WDR72: variants seen among roughly 807,000 people sequenced by gnomAD.
The protein encoded by WDR72 is WD repeat domain 72.
WDR72 carries 120 observed loss-of-function variants against 124.2 expected under a neutral mutation model. That is an observed-to-expected ratio of 0.97 (90% CI 0.83 to 1.12). The LOEUF (loss-of-function observed/expected upper bound fraction) is 1.12. Among genes scored for constraint, WDR72 ranks in the 50% most tolerant of loss-of-function variants. The pLI is 0.00. For synonymous variants in WDR72, 452 were observed against 441.7 expected (o/e 1.02, Z -0.29); for missense variants, 1,387 against 1,278.8 (o/e 1.08, Z -1.29).
At chr15:53,631,391 T>C (rs2014422576) in intron 14 of WDR72, among the ~76,000 whole-genome samples, 1 of 152,190 alleles carries the variant, frequency 6.6e-6, no homozygotes, top group South Asian at 2.1e-4. Context: ...TAAACCTCCT[T>C]TCTTTATAAA....
intron 14 of WDR72, among the ~76,000 whole-genome samples, chr15:53,652,382 C>T (rs537259391): frequency 1.3e-5 from 2 of 152,190 alleles, no homozygotes; most frequent in East Asian, 3.9e-4. Context: ...CGTAATCAGC[C>T]CTCTCTTCTC....
chr15:53,531,135 C>CT (rs1314904915), intron 18 of WDR72, among the ~76,000 whole-genome samples: 4 of 152,040 alleles, frequency 2.6e-5, no homozygotes, highest in African/African-American at 9.7e-5. Context: ...AAGAACATGT[C>CT]TGAGTTACCA....
At chr15:53,650,980 A>C (rs1310753020) in intron 14 of WDR72, among the ~76,000 whole-genome samples, 2 of 149,618 alleles carry the variant, frequency 1.3e-5, no homozygotes, top group East Asian at 3.9e-4. Flanking sequence ...TTTGAGTAAA[A>C]TCGTGAAAAG....
chr15:53,528,881 G>C (rs1892269637), intron 18 of WDR72, among the ~76,000 whole-genome samples: 1 of 151,916 alleles, frequency 6.6e-6, no homozygotes, highest in Admixed American at 6.6e-5. Context: ...TTTGAGCAAT[G>C]GGCTGCCTCA....
chr15:53,602,783 G>A (rs1339067381), intron 17 of WDR72, among the ~76,000 whole-genome samples: 1 of 151,950 alleles, frequency 6.6e-6, no homozygotes, highest in Non-Finnish European at 1.5e-5. Flanking sequence ...GACTGAACCA[G>A]GAAGAAACTG....
In WDR72 at chr15:53,515,083, G is replaced by GTGTCTATATA. The variant is rs1270793859; in HGVS notation, c.*2615_*2616insTATATAGACA. The GTGTCTATATA allele has an allele frequency of 4.9e-5, 1 of 20,290 alleles. No homozygotes were observed. Among genetic ancestry groups the GTGTCTATATA allele is most frequent in the Non-Finnish European group, 1.1e-4 (1 of 8,772 alleles). 1.3% of individuals were successfully genotyped at this position (20,290 alleles called of 1,614,324 possible). A position where few individuals can be genotyped will look rare whatever the true frequency, so the allele number is the denominator to read the frequency against. ...TATATATACACACATATATATGTAT[G>GTGTCTATATA]TATACACACACACACACACACACAA... is the stretch of plus-strand genomic sequence containing the variant. On this transcript the variant is annotated 3_prime_UTR_variant, in exon 20 of 20. Coordinates refer to ENST00000360509, the MANE Select transcript of WDR72 (RefSeq NM_182758.4).
At chr15:53,691,878 T>C (rs900408594) in intron 13 of WDR72, among the ~76,000 whole-genome samples, 16 of 152,176 alleles carry the variant, frequency 1.1e-4, no homozygotes, top group African/African-American at 3.9e-4. Flanking sequence ...GTTTGACAGA[T>C]TAAAGGTGAA....
At chr15:53,552,667 G>C (rs17630899) in intron 18 of WDR72, among the ~76,000 whole-genome samples, 23,849 of 152,092 alleles carry the variant, frequency 0.16, 2,210 homozygotes, top group South Asian at 0.25. Context: ...ATAATGAAGT[G>C]GCTTAAAAAA....
chr15:53,563,130 A>G (rs545469813), intron 18 of WDR72, among the ~76,000 whole-genome samples: 5 of 151,920 alleles, frequency 3.3e-5, no homozygotes, highest in African/African-American at 1.2e-4. Flanking sequence ...CCACGTAACA[A>G]AATAGTAGCT....
intron 18 of WDR72, among the ~76,000 whole-genome samples, chr15:53,581,795 G>A (rs2011942528): frequency 6.6e-6 from 1 of 151,944 alleles, no homozygotes; most frequent in Non-Finnish European, 1.5e-5. Flanking sequence ...TGGAGCTTGT[G>A]ATCTAAAATT....
At chr15:53,561,580 A>G (rs1894126527) in intron 18 of WDR72, among the ~76,000 whole-genome samples, 1 of 151,774 alleles carries the variant, frequency 6.6e-6, no homozygotes, top group African/African-American at 2.4e-5. Flanking sequence ...CTTGTTATCC[A>G]AAGTGCCTGT....
chr15:53,601,240 T>C (rs2013031120), intron 17 of WDR72, among the ~76,000 whole-genome samples: 1 of 152,072 alleles, frequency 6.6e-6, no homozygotes, highest in Non-Finnish European at 1.5e-5. Flanking sequence ...CAACCCAGAA[T>C]TTCATATCTA....
At chr15:53,656,485 T>C (rs916033602) in intron 14 of WDR72, among the ~76,000 whole-genome samples, 2 of 152,170 alleles carry the variant, frequency 1.3e-5, no homozygotes, top group African/African-American at 4.8e-5. Flanking sequence ...TTTTTGAGAA[T>C]TGCTTCCTGT....
chr15:53,729,744 T>C (rs1470629630), intron 2 of WDR72, among the ~76,000 whole-genome samples: 1 of 152,128 alleles, frequency 6.6e-6, no homozygotes, highest in East Asian at 1.9e-4. Context: ...TCAGAAAGGC[T>C]TTCCATTCAA....
chr15:53,758,777 G>T lies in WDR72; in HGVS notation c.-13+856C>A, dbSNP rs7183592. On this transcript the variant is annotated intron_variant, in intron 1 of 19. Transcript: ENST00000360509. ...ATTTAACACAAAACTGCGGGGGGGG[G>T]GGGGGCGGTGCGGGCGGGGGAAGAC... 8.2e-5 allele frequency among the ~76,000 whole-genome samples: 10 copies of T among 121,428 alleles called. 1 individual carries two copies. Among genetic ancestry groups the T allele is most frequent in the African/African-American group, 1.2e-4 (4 of 33,540 alleles). 79.7% of individuals were successfully genotyped at this position (121,428 alleles called of 152,430 possible).
At chr15:53,708,636 G>A (rs955933524) in intron 9 of WDR72, among the ~76,000 whole-genome samples, 3 of 152,078 alleles carry the variant, frequency 2.0e-5, no homozygotes, top group African/African-American at 7.2e-5. Context: ...AAATGAGGTT[G>A]TTTGTATGTT....
chr15:53,613,960 T>TA (rs3081253), intron 15 of WDR72, among the ~76,000 whole-genome samples: 1 of 148,852 alleles, frequency 6.7e-6, no homozygotes, highest in Non-Finnish European at 1.5e-5. Context: ...TTTATTTATT[T>TA]TTTTAGGCTC....
chr15:53,561,285 C>T (rs1894115684), intron 18 of WDR72, among the ~76,000 whole-genome samples: 2 of 151,768 alleles, frequency 1.3e-5, no homozygotes, highest in African/African-American at 4.8e-5. Flanking sequence ...AGAAATTTTA[C>T]TCTATTTTTA....
At position 53,545,403 on chromosome 15, in the gene WDR72, G is replaced by T. The variant is rs542273581; in HGVS notation, c.3149-22081C>A. ...TCTTTGACAAACCTGAGAAAAACAAGCAATGGGGAAAGGATTCCCTATTTA... is the reference window on the plus strand; with the variant it reads ...TCTTTGACAAACCTGAGAAAAACAATCAATGGGGAAAGGATTCCCTATTTA... On this transcript the variant is annotated intron_variant, in intron 18 of 19. Coordinates refer to ENST00000360509, the MANE Select transcript of WDR72 (RefSeq NM_182758.4). Among the ~76,000 whole-genome samples the T allele has an allele frequency of 2.6e-3, 385 of 149,940 alleles. 4 individuals are homozygous for T. The highest frequency in any genetic ancestry group is 9.0e-3 in the African/African-American group (363 of 40,466).
Sources: allele counts gnomAD v4.1 joint callset (sites outside exome capture counted in the v4.1 genomes callset), GRCh38; gene constraint gnomAD v4.1.1; transcripts MANE v1.5; gene names NCBI Gene and HGNC (gene_info 2026-07-23, HGNC 2026-07-21).